Variants in NEK3 observed in about 807,000 individuals in gnomAD.
NEK3 encodes serine/threonine-protein kinase Nek3.
In NEK3, 54 loss-of-function variants were observed where a neutral mutation model predicts 66.0. The ratio of observed to expected loss-of-function variants is 0.82; its 90% CI spans 0.66 to 1.03. The LOEUF is 1.03. Among genes scored for constraint, NEK3 ranks in the 50% least tolerant of loss-of-function variants. The pLI, the probability that NEK3 is intolerant of heterozygous loss-of-function variation, is 0.00. For synonymous variants in NEK3, 200 were observed against 206.2 expected, an observed-to-expected ratio of 0.97 and a Z score of 0.26; for missense variants, 593 against 603.0, an observed-to-expected ratio of 0.98 and a Z score of 0.17.
intron 10 of NEK3, among the ~76,000 whole-genome samples, chr13:52,142,228 A>C (rs1222855655): frequency 6.6e-6 from 1 of 152,216 alleles, no homozygotes; most frequent in African/African-American, 2.4e-5. Flanking sequence ...AAAGCCACAG[A>C]ATAACACCTA....
rs767332091 is a variant in NEK3 at position 52,133,737 on chromosome 13, A to G, written c.1388T>C (p.Val463Ala). The G allele has an allele frequency of 2.5e-6, 4 of 1,572,290 alleles. No homozygotes were observed. The highest frequency in any genetic ancestry group is 2.3e-5 in the South Asian group (2 of 85,572). ...CTCAAGTCGCTCTGGATCCAAAATG[A>G]CAGAATCGTGACCTCCATCAACACT... The part of the protein sequence containing the change: ...SDSVDGGHDS[V>A]ILDPERLEPG... Residue 463 changes from valine to alanine, a missense_variant, in exon 15 of 16, where the codon GTC becomes GCC. Coordinates refer to ENST00000610828, the MANE Select transcript of NEK3 (RefSeq NM_002498.3).
At chr13:52,140,344 C>T (rs1367500806) in intron 11 of NEK3, among the ~76,000 whole-genome samples, 1 of 152,020 alleles carries the variant, frequency 6.6e-6, no homozygotes, top group Admixed American at 6.6e-5. Context: ...CACGGTGGCT[C>T]ACGCCTGTAA....
chr13:52,150,540 G>C (rs974804146), intron 7 of NEK3, among the ~76,000 whole-genome samples: 4 of 152,130 alleles, frequency 2.6e-5, no homozygotes, highest in African/African-American at 9.7e-5. Context: ...CTTTCTTACA[G>C]GTCTATTTCC....
Position 52,148,464 on chromosome 13 carries a change from A to T in NEK3, c.554T>A (p.Ile185Asn), listed in dbSNP as rs1956312340. Residue 185 changes from isoleucine to asparagine, a missense_variant, in exon 8 of 16, where the codon ATC becomes AAC. By Grantham distance (149) the Ile-to-Asn change is moderately radical. Transcript: ENST00000610828. The part of the protein sequence containing the change: ...ENLPYNNKSD[I>N]WSLGCILYEL... ...ATACAGGATGCAACCCAAGGACCAG[A>T]TGTCACTGAAAGCATAAAGAAGCAA... 8.7e-6 allele frequency: 14 copies of T among 1,613,614 alleles called. No homozygotes were observed. Among genetic ancestry groups the T allele is most frequent in the Non-Finnish European group, 1.2e-5 (14 of 1,179,670 alleles).
At chr13:52,155,002 T>A (rs1012145084) in intron 2 of NEK3, among the ~76,000 whole-genome samples, 1 of 151,796 alleles carries the variant, frequency 6.6e-6, no homozygotes, top group Non-Finnish European at 1.5e-5. Flanking sequence ...GATTGTATAG[T>A]AACACAAGGG....
intron 11 of NEK3, among the ~76,000 whole-genome samples, chr13:52,138,725 T>G (rs983386427): frequency 6.6e-6 from 1 of 151,870 alleles, no homozygotes; most frequent in Non-Finnish European, 1.5e-5. Flanking sequence ...AGCCCAAGAG[T>G]TCAACACCAG....
intron 10 of NEK3, among the ~76,000 whole-genome samples, chr13:52,143,602 TC>T (rs1956268752): frequency 1.3e-5 from 2 of 152,202 alleles, no homozygotes; most frequent in Admixed American, 1.3e-4. Flanking sequence ...ATGGATAGAT[TC>T]TTAGGTCAGG....
chr13:52,141,642 G>C (rs1458925914), intron 10 of NEK3, among the ~76,000 whole-genome samples: 3 of 152,130 alleles, frequency 2.0e-5, no homozygotes, highest in African/African-American at 7.2e-5. Context: ...ATACAAGAGT[G>C]AGCAAATCAG....
intron 11 of NEK3, among the ~76,000 whole-genome samples, chr13:52,138,769 A>AT (rs1956225261): frequency 1.3e-5 from 2 of 152,128 alleles, no homozygotes; most frequent in African/African-American, 2.4e-5. Context: ...ATCTCTATAA[A>AT]AAAGTTAAAA....
rs78753835 is a variant in NEK3 at position 52,158,797 on chromosome 13, C to T, written c.-58+746G>A. Among the ~76,000 whole-genome samples the T allele has an allele frequency of 4.5e-3, 679 of 152,268 alleles. 7 individuals are homozygous for T. The highest frequency in any genetic ancestry group is 0.016 in the African/African-American group (658 of 41,548). On this transcript the variant is annotated intron_variant, in intron 1 of 15. Coordinates refer to ENST00000610828, the MANE Select transcript of NEK3 (RefSeq NM_002498.3). ...GATACGGGCTAAGTTCAGAAAGGTC[C>T]CTGAAACCACCTTTACAGATGTATA...
rs1956368909 is a variant in NEK3 at position 52,153,917 on chromosome 13, C to G, written c.287G>C (p.Gly96Ala). Reference sequence around the variant, plus strand: ...TACCATGTCTTCAGGAAATAACTTTCCTTTCTGCTGTTTAATCTTTTGCAT... The same window carrying G: ...TACCATGTCTTCAGGAAATAACTTTGCTTTCTGCTGTTTAATCTTTTGCAT... ...DLMQKIKQQK[G>A]KLFPEDMILN... The change falls in exon 4 of 16, where the codon GGA becomes GCA. Residue 96 changes from glycine to alanine, a missense_variant. Coordinates refer to ENST00000610828, the MANE Select transcript of NEK3 (RefSeq NM_002498.3). The G allele has an allele frequency of 1.2e-6, 2 of 1,611,792 alleles. 1 individual carries two copies. The highest frequency in any genetic ancestry group is 2.2e-5 in the South Asian group (2 of 91,008).
chr13:52,151,518 T>C, intron 5 of NEK3, 126 bp from the exon 6 acceptor site: 1 of 801,480 alleles, frequency 1.2e-6, no homozygotes, highest in South Asian at 1.6e-5. Context: ...AGTCCCAGAG[T>C]GGAACACAAA....
rs1456586453 is a variant in NEK3, at chr13:52,150,767, C to T, written c.548+379G>A. On this transcript the variant is annotated intron_variant, in intron 7 of 15. Coordinates refer to ENST00000610828, the MANE Select transcript of NEK3 (RefSeq NM_002498.3). ...CAGTGATCTTGAAAAATTACTGATG[C>T]CTGCTTCTCACCCTTTGCCATTTTG... Among the ~76,000 whole-genome samples the T allele has an allele frequency of 2.6e-5, 4 of 152,242 alleles. No individual in the cohort carries two copies. The East Asian group carries it at 7.7e-4, about 29-fold the overall frequency.
intron 11 of NEK3, among the ~76,000 whole-genome samples, chr13:52,137,140 C>T (rs570746554): frequency 6.6e-6 from 1 of 151,974 alleles, no homozygotes; most frequent in East Asian, 1.9e-4. Flanking sequence ...AATAGACATA[C>T]ACATTAATAG....
At chr13:52,144,553 T>C in intron 9 of NEK3, 138 bp downstream of exon 9, 1 of 706,734 alleles carries the variant, frequency 1.4e-6, no homozygotes, top group Non-Finnish European at 2.3e-6. Flanking sequence ...GAAACGAAGT[T>C]TTAACTTTTT....
At chr13:52,149,235 T>C (rs1351156258) in intron 7 of NEK3, among the ~76,000 whole-genome samples, 3 of 151,636 alleles carry the variant, frequency 2.0e-5, no homozygotes, top group Non-Finnish European at 1.5e-5. Context: ...GGTCTCACTG[T>C]GTTGCCTAGG....
chr13:52,154,251 T>C, intron 2 of NEK3, 78 bp from the exon 3 acceptor site: 1 of 908,936 alleles, frequency 1.1e-6, no homozygotes, highest in Non-Finnish European at 1.6e-6. Context: ...ATGGTTTATA[T>C]GACACTTTAA....
chr13:52,153,843 G>T, intron 4 of NEK3, 52 bp downstream of exon 4: 1 of 1,177,060 alleles, frequency 8.5e-7, no homozygotes, highest in South Asian at 1.2e-5. Flanking sequence ...TAAAGTTTAT[G>T]AGAAAAGTGG....
Position 52,152,730 on chromosome 13 carries a change from G to A in NEK3, c.310-38C>T, listed in dbSNP as rs376533758. On this transcript the variant is annotated intron_variant, in intron 4 of 15. Coordinates refer to ENST00000610828, the MANE Select transcript of NEK3 (RefSeq NM_002498.3). ...GGTATGCAAAATCTTCAAGAATGCAGTAACTGGCTCATGTTAACCTACAAT... is the reference window on the plus strand; with the variant it reads ...GGTATGCAAAATCTTCAAGAATGCAATAACTGGCTCATGTTAACCTACAAT... The A allele has an allele frequency of 2.6e-5, 34 of 1,324,178 alleles. 1 individual carries two copies. Among genetic ancestry groups the A allele is most frequent in the Non-Finnish European group, 3.6e-5 (33 of 921,692 alleles). The allele number at this position is 1,324,178 out of a possible 1,614,324, so 82.0% of individuals were successfully genotyped here.
Sources: allele counts gnomAD v4.1 joint callset (sites outside exome capture counted in the v4.1 genomes callset), GRCh38; gene constraint gnomAD v4.1.1; transcripts MANE v1.5; gene names NCBI Gene and HGNC (gene_info 2026-07-23, HGNC 2026-07-21).